The following KCNQ1 variants were observed in gnomAD, a reference collection of about 807,000 sequenced individuals.
KCNQ1 encodes potassium voltage-gated channel subfamily Q member 1.
KCNQ1 carries 49 observed loss-of-function variants against 72.4 expected under a neutral mutation model. The observed-to-expected ratio is 0.68, with a 90% CI of 0.54 to 0.86. The LOEUF (loss-of-function observed/expected upper bound fraction) is 0.86, where lower values mean the gene tolerates loss of function less well. Ranked by LOEUF, KCNQ1 falls within the 40% of genes least tolerant of loss-of-function variation. The pLI is 0.00. For synonymous variants in KCNQ1, 450 were observed against 412.6 expected (o/e 1.09, Z -1.10); for missense variants, 790 against 945.1 (o/e 0.84, Z 2.15).
chr11:2,824,156 C>T lies in KCNQ1; in HGVS notation c.1795-23611C>T, dbSNP rs919913639. Among the ~76,000 whole-genome samples, 2 of 152,064 alleles carry T rather than the reference C, an allele frequency of 1.3e-5. No homozygotes were observed. Among genetic ancestry groups the T allele is most frequent in the African/African-American group, 2.4e-5 (1 of 41,390 alleles). Reference sequence around the variant, plus strand: ...TCACACAAACACACCCAGACACATGCATGCACATGGATAACTAACTCTTCC... The same window carrying T: ...TCACACAAACACACCCAGACACATGTATGCACATGGATAACTAACTCTTCC... On this transcript the variant is annotated intron_variant, in intron 15 of 15. Transcript: ENST00000155840. The surrounding 1 kb of genome is among the most constrained non-coding windows in gnomAD (Gnocchi z 5.9).
At chr11:2,610,593 T>A in intron 10 of KCNQ1, 1 of 398,468 alleles carries the variant, frequency 2.5e-6, no homozygotes, top group Non-Finnish European at 4.4e-6. Flanking sequence ...CTGAAGAACT[T>A]CCTCTAGTAG....
chr11:2,719,275 T>C (rs1851161836), intron 11 of KCNQ1, among the ~76,000 whole-genome samples: 1 of 143,850 alleles, frequency 7.0e-6, no homozygotes, highest in African/African-American at 2.6e-5. Flanking sequence ...CCCAGCACTT[T>C]GGGAGGCCAG....
At chr11:2,707,324 C>A (rs1850927467) in intron 11 of KCNQ1, among the ~76,000 whole-genome samples, 1 of 152,246 alleles carries the variant, frequency 6.6e-6, no homozygotes, top group African/African-American at 2.4e-5. Context: ...GCAGACATTG[C>A]AGTGTTGAGA....
rs141840200 is a variant in KCNQ1 at position 2,593,715 on chromosome 11, T to C, written c.1393+4861T>C. On this transcript the variant is annotated intron_variant, in intron 10 of 15. Transcript: ENST00000155840. This position sits in a 1 kb window ranked among gnomAD's most constrained non-coding sequence, Gnocchi z 6.9. ...ACAGCCTCACCTCTCACTTCTGCAC[T>C]TGTGAGCCTGGTTCTCACAGGGTCA... 1.8e-3 allele frequency among the ~76,000 whole-genome samples: 277 copies of C among 152,314 alleles called. 2 individuals are homozygous for C. The highest frequency in any genetic ancestry group is 0.014 in the Admixed American group (221 of 15,292).
At chr11:2,811,144 C>G (rs1847478123) in intron 15 of KCNQ1, among the ~76,000 whole-genome samples, 1 of 152,216 alleles carries the variant, frequency 6.6e-6, no homozygotes, top group South Asian at 2.1e-4. Flanking sequence ...GTGCCGTGTC[C>G]TGTCTGGAGC....
chr11:2,744,115 A>T (rs1846100403), intron 11 of KCNQ1, among the ~76,000 whole-genome samples: 1 of 152,246 alleles, frequency 6.6e-6, no homozygotes, highest in Non-Finnish European at 1.5e-5. Context: ...CGCATTCTGA[A>T]AATCAATGTT....
intron 15 of KCNQ1, among the ~76,000 whole-genome samples, chr11:2,843,074 T>C (rs760083331): frequency 5.3e-4 from 81 of 152,320 alleles, no homozygotes; most frequent in South Asian, 1.7e-3. Flanking sequence ...TGTGGGGGGT[T>C]CTGAGGCCAT....
Position 2,516,355 on chromosome 11 carries a change from T to C in KCNQ1, c.387-11573T>C, listed in dbSNP as rs1420990352. On this transcript the variant is annotated intron_variant, in intron 1 of 15. Coordinates refer to ENST00000155840, the MANE Select transcript of KCNQ1 (RefSeq NM_000218.3). The surrounding 1 kb of genome is among the most constrained non-coding windows in gnomAD (Gnocchi z 7.0). ...ATGGCTCAGTCCCAGCGTCCCCTCATGCCTGGGACCGCTGACCCACCGGGA... is the reference window on the plus strand; with the variant it reads ...ATGGCTCAGTCCCAGCGTCCCCTCACGCCTGGGACCGCTGACCCACCGGGA... Among the ~76,000 whole-genome samples the C allele has an allele frequency of 6.6e-6, 1 of 152,018 alleles. No homozygotes were observed. Among genetic ancestry groups the C allele is most frequent in the African/African-American group, 2.4e-5 (1 of 41,392 alleles).
intron 2 of KCNQ1, among the ~76,000 whole-genome samples, chr11:2,534,618 A>C (rs1847699141): frequency 1.3e-5 from 2 of 152,216 alleles, no homozygotes; most frequent in South Asian, 4.1e-4. Context: ...GGACGGGGGT[A>C]CCCACTCCCT....
intron 7 of KCNQ1, among the ~76,000 whole-genome samples, 172 bp downstream of exon 7, chr11:2,583,717 T>G (rs1289214167): frequency 6.6e-6 from 1 of 152,212 alleles, no homozygotes; most frequent in Non-Finnish European, 1.5e-5. Flanking sequence ...GGGCCCTGGA[T>G]GCAGACTTCC....
intron 15 of KCNQ1, among the ~76,000 whole-genome samples, chr11:2,814,222 G>A (rs1332510702): frequency 4.9e-5 from 7 of 143,698 alleles, no homozygotes; most frequent in African/African-American, 2.1e-4. Context: ...GGATAGAGGT[G>A]GATGGATAAA....
chr11:2,806,258 GAA>G (rs1847371217), intron 15 of KCNQ1, among the ~76,000 whole-genome samples: 1 of 152,162 alleles, frequency 6.6e-6, no homozygotes, highest in African/African-American at 2.4e-5. Flanking sequence ...CTCCATAACA[GAA>G]AAAGAGTAAA....
chr11:2,746,448 C>T lies in KCNQ1; in HGVS notation c.1515-22396C>T, dbSNP rs1765479537. On this transcript the variant is annotated intron_variant, in intron 11 of 15. Coordinates refer to ENST00000155840, the MANE Select transcript of KCNQ1 (RefSeq NM_000218.3). This position sits in a 1 kb window ranked among gnomAD's most constrained non-coding sequence, Gnocchi z 5.9. Reference sequence around the variant, plus strand: ...TCTCCCCGGGCCCCACCCAGGGTCCCATGTGACATTCCTCATCCGTCTCCC... The same window carrying T: ...TCTCCCCGGGCCCCACCCAGGGTCCTATGTGACATTCCTCATCCGTCTCCC... Among the ~76,000 whole-genome samples the T allele has an allele frequency of 6.6e-6, 1 of 152,172 alleles. No individual in the cohort carries two copies. Among genetic ancestry groups the T allele is most frequent in the Non-Finnish European group, 1.5e-5 (1 of 68,026 alleles).
At chr11:2,738,444 C>T (rs1289790098) in intron 11 of KCNQ1, among the ~76,000 whole-genome samples, 1 of 152,188 alleles carries the variant, frequency 6.6e-6, no homozygotes, top group Non-Finnish European at 1.5e-5. Context: ...GGGCCACTGG[C>T]ACTAGCGTGT....
At chr11:2,556,685 G>A (rs1285279064) in intron 2 of KCNQ1, among the ~76,000 whole-genome samples, 1 of 152,304 alleles carries the variant, frequency 6.6e-6, no homozygotes, top group South Asian at 2.1e-4. Flanking sequence ...AGCCGTTGAT[G>A]GGGTGAAGGG....
chr11:2,846,861 C>T (rs1564915895), intron 15 of KCNQ1, among the ~76,000 whole-genome samples: 1 of 152,256 alleles, frequency 6.6e-6, no homozygotes, highest in Non-Finnish European at 1.5e-5. Flanking sequence ...GTGCTGGGTG[C>T]ATTTCGGGTT....
In KCNQ1 at chr11:2,516,831, G is replaced by C. The variant is rs1389947715; in HGVS notation, c.387-11097G>C. On this transcript the variant is annotated intron_variant, in intron 1 of 15. Coordinates refer to ENST00000155840, the MANE Select transcript of KCNQ1 (RefSeq NM_000218.3). The surrounding 1 kb of genome is among the most constrained non-coding windows in gnomAD (Gnocchi z 7.0). ...TGCCAGGGCTGCACTGGGCTCTTCTGGTGGGGAGGGACATTGTTCTGGCCC... is the reference window on the plus strand; with the variant it reads ...TGCCAGGGCTGCACTGGGCTCTTCTCGTGGGGAGGGACATTGTTCTGGCCC... Among the ~76,000 whole-genome samples, 1 of 152,140 alleles carries C rather than the reference G, an allele frequency of 6.6e-6. No homozygotes were observed. The highest frequency in any genetic ancestry group is 2.1e-4 in the South Asian group (1 of 4,830).
rs377453630 is a variant in KCNQ1 at position 2,547,550 on chromosome 11, T to C, written c.477+19532T>C. Reference sequence around the variant, plus strand: ...TGCCCAGCCTGTATTTTTGTCCTAATAGTTACCTTTATACATATGCCTTTC... The same window carrying C: ...TGCCCAGCCTGTATTTTTGTCCTAACAGTTACCTTTATACATATGCCTTTC... On this transcript the variant is annotated intron_variant, in intron 2 of 15. Transcript: ENST00000155840. The surrounding 1 kb of genome is among the most constrained non-coding windows in gnomAD (Gnocchi z 4.2). 1.2e-4 allele frequency among the ~76,000 whole-genome samples: 18 copies of C among 152,346 alleles called. No homozygotes were observed. The East Asian group carries it at 2.5e-3, about 21-fold the overall frequency.
chr11:2,777,752 G>A (rs542867040), intron 14 of KCNQ1: 115 of 621,018 alleles, frequency 1.9e-4, no homozygotes, highest in African/African-American at 1.7e-3. Flanking sequence ...GGTGGAGAGC[G>A]TGGAGCAGGA....
Sources: gnomAD v4.1 joint callset for allele counts (sites outside exome capture counted in the v4.1 genomes callset) on GRCh38, gnomAD v4.1.1 for gene constraint, Gnocchi (gnomAD v3.1) non-coding constraint, MANE v1.5 for transcripts, NCBI Gene and HGNC (gene_info 2026-07-23, HGNC 2026-07-21) for gene names.